The following SEMA6D variants were observed in gnomAD, a reference collection of about 807,000 sequenced individuals.
SEMA6D encodes the protein semaphorin-6D.
SEMA6D carries 35 observed loss-of-function variants against 106.6 expected under a neutral mutation model. The ratio of observed to expected loss-of-function variants is 0.33; its 90% CI spans 0.25 to 0.44. The LOEUF is 0.44. SEMA6D is among the 20% of genes least tolerant of loss of function. SEMA6D has a pLI of 1.00. For missense variants in SEMA6D, 1,185 were observed against 1,345.9 expected (o/e 0.88, Z 1.87); for synonymous variants, 499 against 487.7 (o/e 1.02, Z -0.31).
intron 1 of SEMA6D, among the ~76,000 whole-genome samples, chr15:47,273,791 T>G (rs149424772): frequency 1.3e-5 from 2 of 152,340 alleles, no homozygotes; most frequent in African/African-American, 4.8e-5. Context: ...TGGCACTGGC[T>G]TACCATATCA....
intron 3 of SEMA6D, among the ~76,000 whole-genome samples, chr15:47,548,845 G>T (rs1596296338): frequency 6.6e-6 from 1 of 152,126 alleles, no homozygotes; most frequent in African/African-American, 2.4e-5. Flanking sequence ...TTAGAAAAAT[G>T]CAGGAAGTTA....
At chr15:47,576,819 C>G (rs2076163474) in intron 3 of SEMA6D, among the ~76,000 whole-genome samples, 1 of 152,212 alleles carries the variant, frequency 6.6e-6, no homozygotes. Flanking sequence ...CATTGCTTAT[C>G]TATCCAGAAC....
At chr15:47,708,795 A>G (rs2078961567) in intron 4 of SEMA6D, among the ~76,000 whole-genome samples, 1 of 152,224 alleles carries the variant, frequency 6.6e-6, no homozygotes, top group South Asian at 2.1e-4. Context: ...AGACAGTGTG[A>G]TAAGCACCAG....
intron 1 of SEMA6D, among the ~76,000 whole-genome samples, chr15:47,340,866 G>C (rs910559174): frequency 6.6e-6 from 1 of 152,196 alleles, no homozygotes; most frequent in South Asian, 2.1e-4. Flanking sequence ...GGTGCCATTA[G>C]AATGGGAGGA....
intron 1 of SEMA6D, among the ~76,000 whole-genome samples, chr15:47,236,526 CAGTTTATTTTT>C (rs1281197401): frequency 2.0e-5 from 3 of 152,072 alleles, no homozygotes; most frequent in Non-Finnish European, 1.5e-5. Flanking sequence ...TGTATATTAT[CAGTTTATTTTT>C]CTCCCTACCA....
chr15:47,576,689 A>C (rs2076161417), intron 3 of SEMA6D, among the ~76,000 whole-genome samples: 1 of 152,142 alleles, frequency 6.6e-6, no homozygotes, highest in Non-Finnish European at 1.5e-5. Flanking sequence ...TTTATTCAAT[A>C]TTTACTCCTT....
intron 3 of SEMA6D, chr15:47,581,242 A>G (rs1488262415): frequency 2.5e-6 from 1 of 403,442 alleles, no homozygotes; most frequent in South Asian, 1.9e-5. Context: ...AAGTTTTTGC[A>G]TGTTGGGCCC....
At chr15:47,766,747 C>T (rs777314279) in intron 16 of SEMA6D, 70 bp downstream of exon 16, 190 of 1,076,290 alleles carry the variant, frequency 1.8e-4, no homozygotes, top group Non-Finnish European at 2.6e-4. Context: ...CATTATTTTA[C>T]AATCAGTCTT....
intron 1 of SEMA6D, among the ~76,000 whole-genome samples, chr15:47,308,319 C>T (rs1383483623): frequency 6.6e-6 from 1 of 152,044 alleles, no homozygotes; most frequent in Non-Finnish European, 1.5e-5. Context: ...TCCTTATATG[C>T]CAAATGGGAA....
intron 2 of SEMA6D, among the ~76,000 whole-genome samples, chr15:47,439,046 G>T (rs2140729159): frequency 6.6e-6 from 1 of 152,108 alleles, no homozygotes; most frequent in Admixed American, 6.5e-5. Context: ...CCAGCTAAAA[G>T]AAATAACCTG....
intron 4 of SEMA6D, among the ~76,000 whole-genome samples, chr15:47,711,186 T>C (rs2079012833): frequency 6.7e-6 from 1 of 150,192 alleles, no homozygotes; most frequent in African/African-American, 2.4e-5. Flanking sequence ...GGCGGGCGCC[T>C]GTAGTCCCAG....
At chr15:47,384,541 G>A (rs1220429079) in intron 1 of SEMA6D, among the ~76,000 whole-genome samples, 1 of 152,226 alleles carries the variant, frequency 6.6e-6, no homozygotes, top group Non-Finnish European at 1.5e-5. Context: ...CAGTGAGCAG[G>A]GGCCAGCAGA....
chr15:47,302,549 A>T (rs191977936), intron 1 of SEMA6D, among the ~76,000 whole-genome samples: 36 of 152,274 alleles, frequency 2.4e-4, no homozygotes, highest in African/African-American at 8.2e-4. Context: ...GATTTGGAGG[A>T]TATTCTGGAT....
intron 4 of SEMA6D, among the ~76,000 whole-genome samples, chr15:47,633,865 T>C (rs1180500648): frequency 6.6e-6 from 1 of 152,202 alleles, no homozygotes; most frequent in African/African-American, 2.4e-5. Context: ...TATTGAGTTG[T>C]CCTCAAGTTC....
At chr15:47,563,192 A>G (rs2046129818) in intron 3 of SEMA6D, among the ~76,000 whole-genome samples, 1 of 152,210 alleles carries the variant, frequency 6.6e-6, no homozygotes, top group African/African-American at 2.4e-5. Context: ...CGAAGCTGCA[A>G]TTGATTACAA....
rs1327105397 is a variant in SEMA6D at position 47,473,786 on chromosome 15, C to G, written c.-87+3241C>G. Among the ~76,000 whole-genome samples the G allele has an allele frequency of 4.6e-5, 7 of 152,180 alleles. No homozygotes were observed. The East Asian group carries it at 1.4e-3, about 29-fold the overall frequency. The stretch of plus-strand genomic sequence containing the variant: ...ACTCTGAAAAACTGTGACTACACTG[C>G]TCGAAACTCATCATTTTCTTTCTTT... On this transcript the variant is annotated intron_variant, in intron 3 of 19. Transcript: ENST00000558014.
chr15:47,251,440 ATACTT>A (rs77570443), intron 1 of SEMA6D, among the ~76,000 whole-genome samples: 1,775 of 152,216 alleles, frequency 0.012, 32 homozygotes, highest in Admixed American at 0.012. Flanking sequence ...TTGTTCCCAA[ATACTT>A]TAATTTAGGT....
At chr15:47,472,131 A>G (rs1329929606) in intron 3 of SEMA6D, among the ~76,000 whole-genome samples, 1 of 152,170 alleles carries the variant, frequency 6.6e-6, no homozygotes, top group Non-Finnish European at 1.5e-5. Flanking sequence ...CACGCAGGAC[A>G]GCTGAAGTTT....
intron 2 of SEMA6D, among the ~76,000 whole-genome samples, chr15:47,428,231 T>A (rs2041409396): frequency 6.6e-6 from 1 of 152,104 alleles, no homozygotes; most frequent in South Asian, 2.1e-4. Flanking sequence ...TAGCACATAT[T>A]ATATACCCAG....
Sources: allele counts gnomAD v4.1 joint callset (sites outside exome capture counted in the v4.1 genomes callset), GRCh38; gene constraint gnomAD v4.1.1; transcripts MANE v1.5; gene names NCBI Gene and HGNC (gene_info 2026-07-23, HGNC 2026-07-21).